Variants in CSMD2 observed in about 807,000 individuals in gnomAD.
CSMD2 encodes CUB and Sushi multiple domains 2, also known as CUB and sushi domain-containing protein 2.
In CSMD2, 130 loss-of-function variants were observed where a neutral mutation model predicts 398.5. The observed-to-expected ratio is 0.33, with a 90% CI of 0.28 to 0.38. The LOEUF (loss-of-function observed/expected upper bound fraction) is 0.38, where lower values mean the gene tolerates loss of function less well. CSMD2 is among the 10% of genes least tolerant of loss of function. The probability of loss-of-function intolerance (pLI) is 1.00; values close to 1 mark genes in which losing one functional copy is unlikely to be tolerated. For missense variants in CSMD2, 3,829 were observed against 4,764.9 expected (o/e 0.80, Z 5.78); for synonymous variants, 1,828 against 1,908.5 (o/e 0.96, Z 1.10).
chr1:33,711,308 C>T (rs929369098), intron 21 of CSMD2, among the ~76,000 whole-genome samples: 1 of 152,180 alleles, frequency 6.6e-6, no homozygotes, highest in Admixed American at 6.5e-5. Context: ...TACCTTTCCC[C>T]TCCATCTAGG....
At position 34,085,402 on chromosome 1, in the gene CSMD2, T is replaced by TAAA. The variant is rs34420184; in HGVS notation, c.404+3572_404+3574dup. Among the ~76,000 whole-genome samples the TAAA allele has an allele frequency of 5.6e-4, 77 of 136,512 alleles. 1 individual carries two copies. The highest frequency in any genetic ancestry group is 1.6e-3 in the African/African-American group (63 of 38,192). The allele number at this position is 136,512 out of a possible 152,430, so 89.6% of individuals were successfully genotyped here. A position where few individuals can be genotyped will look rare whatever the true frequency, so the allele number is the denominator to read the frequency against. ...ACAATAATAATAATAATAATAATAA[T>TAAA]AAATAAATAAATTGTACCCTTCCAC... On this transcript the variant is annotated intron_variant, in intron 2 of 70. Transcript: ENST00000373381.
chr1:33,676,195 T>C (rs527792992), intron 25 of CSMD2, among the ~76,000 whole-genome samples: 1 of 152,328 alleles, frequency 6.6e-6, no homozygotes, highest in Non-Finnish European at 1.5e-5. Flanking sequence ...GACATGATTG[T>C]ATATCTAGAA....
At chr1:33,596,291 C>T (rs1639831006) in intron 44 of CSMD2, among the ~76,000 whole-genome samples, 1 of 152,020 alleles carries the variant, frequency 6.6e-6, no homozygotes, top group African/African-American at 2.4e-5. Context: ...GGTGTCTGCT[C>T]ATCCTGCGCA....
chr1:34,082,012 G>A (rs1455452995), intron 2 of CSMD2, among the ~76,000 whole-genome samples: 2 of 149,070 alleles, frequency 1.3e-5, no homozygotes, highest in Admixed American at 6.6e-5. Context: ...CTGCCCAGCC[G>A]CCCAGTCTGG....
chr1:33,925,225 T>A (rs553042200), intron 4 of CSMD2, among the ~76,000 whole-genome samples: 2 of 152,194 alleles, frequency 1.3e-5, no homozygotes, highest in African/African-American at 4.8e-5. Context: ...TTGATTTTTG[T>A]ATATGGTGAG....
intron 15 of CSMD2, among the ~76,000 whole-genome samples, chr1:33,733,166 CAGA>C (rs1471559637): frequency 6.6e-6 from 1 of 152,098 alleles, no homozygotes; most frequent in African/African-American, 2.4e-5. Context: ...TGTGAGTGAC[CAGA>C]AGTAGTGGAA....
chr1:33,958,411 G>A (rs2125388880), intron 3 of CSMD2, among the ~76,000 whole-genome samples: 1 of 152,184 alleles, frequency 6.6e-6, no homozygotes, highest in African/African-American at 2.4e-5. Flanking sequence ...CCTCCCTTTG[G>A]GTGTGAATAG....
At chr1:33,888,756 T>TTTG (rs140395748) in intron 5 of CSMD2, among the ~76,000 whole-genome samples, 1,713 of 148,926 alleles carry the variant, frequency 0.012, 22 homozygotes, top group African/African-American at 0.036. Flanking sequence ...TCAACTGATT[T>TTTG]TTGTTGTTGT....
chr1:33,959,238 G>A (rs1401167180), intron 3 of CSMD2, among the ~76,000 whole-genome samples: 1 of 152,154 alleles, frequency 6.6e-6, no homozygotes, highest in Non-Finnish European at 1.5e-5. Flanking sequence ...GGTGACACGT[G>A]TGACACTGCT....
intron 5 of CSMD2, among the ~76,000 whole-genome samples, chr1:33,906,924 CAAG>C (rs1643123677): frequency 1.3e-5 from 2 of 151,840 alleles, no homozygotes; most frequent in African/African-American, 4.8e-5. Flanking sequence ...CAGAGAGATC[CAAG>C]AAGAATCAGA....
intron 2 of CSMD2, among the ~76,000 whole-genome samples, chr1:34,060,078 G>T (rs1341779547): frequency 1.3e-5 from 2 of 152,172 alleles, no homozygotes; most frequent in Admixed American, 6.5e-5. Context: ...GAAGGCACAG[G>T]GTGCCAGGAG....
chr1:33,669,339 T>C (rs1183715514), intron 25 of CSMD2, among the ~76,000 whole-genome samples: 1 of 152,200 alleles, frequency 6.6e-6, no homozygotes, highest in Non-Finnish European at 1.5e-5. Context: ...TTAAGAGGAA[T>C]CGAAAGAGTA....
At chr1:33,632,713 C>T (rs368263208) in intron 32 of CSMD2, among the ~76,000 whole-genome samples, 34 of 152,248 alleles carry the variant, frequency 2.2e-4, no homozygotes, top group African/African-American at 7.0e-4. Flanking sequence ...AAAGATCTCA[C>T]ATATCCTTTA....
chr1:34,119,841 G>C (rs1340506761), intron 1 of CSMD2, among the ~76,000 whole-genome samples: 1 of 152,050 alleles, frequency 6.6e-6, no homozygotes, highest in Non-Finnish European at 1.5e-5. Flanking sequence ...TGGTACAGCT[G>C]CTATAAAAAA....
intron 13 of CSMD2, among the ~76,000 whole-genome samples, chr1:33,758,067 AG>A (rs1356267925): frequency 6.6e-6 from 1 of 152,206 alleles, no homozygotes; most frequent in Non-Finnish European, 1.5e-5. Flanking sequence ...GACTCCTCGT[AG>A]GGGCACAAAA....
rs574432887 is a variant in CSMD2 at position 33,533,957 on chromosome 1, C to T, written c.9880-50G>A. On this transcript the variant is annotated intron_variant, in intron 62 of 70. Transcript: ENST00000373381. The surrounding 1 kb of genome is among the most constrained non-coding windows in gnomAD (Gnocchi z 4.2). Reference sequence around the variant, plus strand: ...CAGCCCCTTCCTTTCAGCGGTGCTTCCTACGTCTGTCCCTTGACCACTTTC... The same window carrying T: ...CAGCCCCTTCCTTTCAGCGGTGCTTTCTACGTCTGTCCCTTGACCACTTTC... 2.1e-4 allele frequency: 246 copies of T among 1,189,718 alleles called. 2 individuals carry two copies. The South Asian group carries it at 3.0e-3, about 14-fold the overall frequency. 73.7% of individuals were successfully genotyped at this position (1,189,718 alleles called of 1,614,324 possible). A position where few individuals can be genotyped will look rare whatever the true frequency, so the allele number is the denominator to read the frequency against.
intron 4 of CSMD2, among the ~76,000 whole-genome samples, chr1:33,932,698 T>C (rs1270308427): frequency 6.6e-6 from 1 of 152,148 alleles, no homozygotes; most frequent in Non-Finnish European, 1.5e-5. Context: ...TCATCACTTA[T>C]CTCTGGCTGG....
chr1:33,540,951 G>A (rs1013237487), intron 59 of CSMD2, among the ~76,000 whole-genome samples, 179 bp downstream of exon 59: 6 of 152,114 alleles, frequency 3.9e-5, no homozygotes, highest in Non-Finnish European at 8.8e-5. Context: ...CCTTATTTTG[G>A]TACTTCTGAT....
At chr1:33,651,092 G>T (rs1161461778) in intron 28 of CSMD2, among the ~76,000 whole-genome samples, 1 of 152,176 alleles carries the variant, frequency 6.6e-6, no homozygotes, top group Non-Finnish European at 1.5e-5. Context: ...GCATTTTTGA[G>T]TGACACGATC....
Sources: allele counts gnomAD v4.1 joint callset (sites outside exome capture counted in the v4.1 genomes callset), GRCh38; gene constraint gnomAD v4.1.1; non-coding constraint Gnocchi (gnomAD v3.1); transcripts MANE v1.5; gene names NCBI Gene and HGNC (gene_info 2026-07-23, HGNC 2026-07-21).